ENTREP2: variants seen among roughly 807,000 people sequenced by gnomAD.
ENTREP2 encodes protein ENTREP2.
the ENTREP2 span, among the ~76,000 whole-genome samples, chr15:29,199,369 G>C: frequency 2.0e-5 from 3 of 152,188 alleles, no homozygotes; most frequent in African/African-American, 7.2e-5. Context: ...AAAAGAGATA[G>C]AGGAAGTTCT....
At chr15:29,490,576 T>G in the ENTREP2 span, among the ~76,000 whole-genome samples, 1 of 152,176 alleles carries the variant, frequency 6.6e-6, no homozygotes, top group African/African-American at 2.4e-5. Flanking sequence ...TGCTGATTGG[T>G]GCGTTTACAA....
the ENTREP2 span, among the ~76,000 whole-genome samples, chr15:29,246,371 AAC>A: frequency 6.9e-6 from 1 of 145,096 alleles, no homozygotes. Context: ...CAGCCTAAGC[AAC>A]AGAGTGAAAC....
the ENTREP2 span, among the ~76,000 whole-genome samples, chr15:29,594,316 C>T: frequency 6.6e-6 from 1 of 152,054 alleles, no homozygotes; most frequent in Non-Finnish European, 1.5e-5. Context: ...GCCTCACCTC[C>T]CGCTGTTCTT....
chr15:29,438,474 G>C, the ENTREP2 span, among the ~76,000 whole-genome samples: 2 of 152,118 alleles, frequency 1.3e-5, no homozygotes, highest in African/African-American at 4.8e-5. Flanking sequence ...CTACCATCCA[G>C]TCAAACCAGT....
the ENTREP2 span, among the ~76,000 whole-genome samples, chr15:29,165,282 ACCAAAC>A: frequency 6.6e-6 from 1 of 152,068 alleles, no homozygotes; most frequent in Non-Finnish European, 1.5e-5. Flanking sequence ...AACAAGAAAA[ACCAAAC>A]CCAAACCCAG....
the ENTREP2 span, among the ~76,000 whole-genome samples, chr15:29,427,986 T>G: frequency 6.6e-6 from 1 of 152,086 alleles, no homozygotes; most frequent in Non-Finnish European, 1.5e-5. Flanking sequence ...GTGATAAATA[T>G]CATAATATAA....
chr15:29,124,745 G>A, the ENTREP2 span: 1 of 1,550,626 alleles, frequency 6.4e-7, no homozygotes, highest in Non-Finnish European at 8.7e-7. Flanking sequence ...ACGACGGCCT[G>A]TGTGAAGAGG....
the ENTREP2 span, among the ~76,000 whole-genome samples, chr15:29,282,321 G>A: frequency 3.3e-5 from 5 of 152,154 alleles, no homozygotes; most frequent in East Asian, 1.9e-4. Flanking sequence ...CATGTAAGAC[G>A]TGCCCTTTGC....
the ENTREP2 span, among the ~76,000 whole-genome samples, chr15:29,439,012 A>G: frequency 6.6e-6 from 1 of 152,152 alleles, no homozygotes; most frequent in Non-Finnish European, 1.5e-5. Context: ...TTCATAAAAC[A>G]AAACTGCTGC....
At chr15:29,291,930 T>C in the ENTREP2 span, among the ~76,000 whole-genome samples, 1 of 152,126 alleles carries the variant, frequency 6.6e-6, no homozygotes, top group Non-Finnish European at 1.5e-5. Context: ...ATATTATTAT[T>C]ACCATTTTAA....
At chr15:29,360,155 G>C in the ENTREP2 span, among the ~76,000 whole-genome samples, 1 of 152,142 alleles carries the variant, frequency 6.6e-6, no homozygotes, top group Non-Finnish European at 1.5e-5. Flanking sequence ...TAAATTAACT[G>C]TGCCACAGAC....
At chr15:29,647,971 G>A in the ENTREP2 span, among the ~76,000 whole-genome samples, 210 of 152,220 alleles carry the variant, frequency 1.4e-3, 1 homozygote, top group Admixed American at 2.6e-3. Flanking sequence ...TTTTTCCAGC[G>A]TAACTTGACT....
At chr15:29,418,618 T>G in the ENTREP2 span, among the ~76,000 whole-genome samples, 2 of 152,196 alleles carry the variant, frequency 1.3e-5, no homozygotes, top group African/African-American at 2.4e-5. Context: ...ATGGAGTAGT[T>G]AGCAGCTCAT....
chr15:29,633,107 C>T, the ENTREP2 span, among the ~76,000 whole-genome samples: 4 of 152,186 alleles, frequency 2.6e-5, no homozygotes, highest in Non-Finnish European at 5.9e-5. Context: ...AGGAACATTT[C>T]CACTCCAAAC....
At chr15:29,176,395 T>A in the ENTREP2 span, among the ~76,000 whole-genome samples, 1 of 152,072 alleles carries the variant, frequency 6.6e-6, no homozygotes, top group Non-Finnish European at 1.5e-5. Flanking sequence ...AACAGTCAGT[T>A]TGGGGGCCAT....
the ENTREP2 span, among the ~76,000 whole-genome samples, chr15:29,288,046 A>G: frequency 2.6e-5 from 4 of 152,376 alleles, no homozygotes; most frequent in African/African-American, 9.6e-5. Context: ...ATATTCATAC[A>G]GAAAAATGAA....
chr15:29,534,091 C>T, the ENTREP2 span, among the ~76,000 whole-genome samples: 2 of 116,546 alleles, frequency 1.7e-5, no homozygotes, highest in Non-Finnish European at 3.3e-5. Context: ...GTCACATCTG[C>T]AAGTGCCCCT....
At chr15:29,458,069 G>A in the ENTREP2 span, among the ~76,000 whole-genome samples, 1 of 152,140 alleles carries the variant, frequency 6.6e-6, no homozygotes, top group Admixed American at 6.5e-5. Flanking sequence ...AATTACAGAA[G>A]CTGAGAAGTC....
At chr15:29,624,980 C>T in the ENTREP2 span, among the ~76,000 whole-genome samples, 1 of 151,342 alleles carries the variant, frequency 6.6e-6, no homozygotes, top group East Asian at 1.9e-4. Context: ...ACCATTCTAT[C>T]ATCTCTGGGG....
Sources: allele counts gnomAD v4.1 joint callset (sites outside exome capture counted in the v4.1 genomes callset), GRCh38; gene constraint gnomAD v4.1.1; transcripts MANE v1.5; gene names NCBI Gene and HGNC (gene_info 2026-07-23, HGNC 2026-07-21).